KIF26B: variants seen among roughly 807,000 people sequenced by gnomAD.
KIF26B encodes kinesin-like protein KIF26B.
KIF26B carries 63 observed loss-of-function variants against 151.2 expected under a neutral mutation model. That is an observed-to-expected ratio of 0.42 (90% CI 0.34 to 0.51). The LOEUF (loss-of-function observed/expected upper bound fraction) is 0.51. Ranked by LOEUF, KIF26B falls within the 20% of genes least tolerant of loss-of-function variation. The pLI is 0.07. For missense variants in KIF26B, 2,813 were observed against 2,913.6 expected (o/e 0.97, Z 0.79); for synonymous variants, 1,357 against 1,262.1 (o/e 1.08, Z -1.59).
intron 2 of KIF26B, among the ~76,000 whole-genome samples, chr1:245,292,354 T>C (rs55877471): frequency 0.078 from 11,842 of 151,992 alleles, 574 homozygotes; most frequent in Middle Eastern, 0.12. Flanking sequence ...AGCTGCCCGG[T>C]GGTGCAACCC....
intron 4 of KIF26B, among the ~76,000 whole-genome samples, chr1:245,474,276 T>C (rs1334707983): frequency 6.6e-6 from 1 of 150,768 alleles, no homozygotes; most frequent in African/African-American, 2.4e-5. Flanking sequence ...ATCTGGCTAA[T>C]TTTTTGTATT....
intron 9 of KIF26B, among the ~76,000 whole-genome samples, chr1:245,631,009 C>T (rs2043775341): frequency 6.6e-6 from 1 of 152,142 alleles, no homozygotes; most frequent in Non-Finnish European, 1.5e-5. Flanking sequence ...CCAAATTTAT[C>T]AGTTCTCAGA....
At position 245,702,028 on chromosome 1, in the gene KIF26B, T is replaced by C. The variant is rs1018899416; in HGVS notation, c.6179-430T>C. Reference sequence around the variant, plus strand: ...TCTGGGTTATAATCCAGAAACGTCCTTTCATATAAGGAAGCAGAGGTATAA... The same window carrying C: ...TCTGGGTTATAATCCAGAAACGTCCCTTCATATAAGGAAGCAGAGGTATAA... On this transcript the variant is annotated intron_variant, in intron 14 of 14. Transcript: ENST00000407071. The surrounding 1 kb of genome is among the most constrained non-coding windows in gnomAD (Gnocchi z 4.1). Among the ~76,000 whole-genome samples the C allele has an allele frequency of 1.3e-5, 2 of 152,322 alleles. No homozygotes were observed. Among genetic ancestry groups the C allele is most frequent in the Non-Finnish European group, 2.9e-5 (2 of 68,036 alleles).
intron 2 of KIF26B, among the ~76,000 whole-genome samples, chr1:245,363,270 C>T (rs968616037): frequency 2.6e-5 from 4 of 152,226 alleles, no homozygotes; most frequent in Non-Finnish European, 4.4e-5. Flanking sequence ...GATCTCAGCT[C>T]ACTGCAACCT....
intron 4 of KIF26B, among the ~76,000 whole-genome samples, chr1:245,479,327 T>G (rs1182113080): frequency 6.6e-6 from 1 of 151,912 alleles, no homozygotes; most frequent in Non-Finnish European, 1.5e-5. Flanking sequence ...GCAGATAAGC[T>G]TCTCCAGAAA....
In KIF26B at chr1:245,227,065, A is replaced by G. The variant is rs1669891174; in HGVS notation, c.465+70382A>G. Among the ~76,000 whole-genome samples the G allele has an allele frequency of 6.6e-6, 1 of 151,976 alleles. No individual in the cohort carries two copies. The highest frequency in any genetic ancestry group is 1.5e-5 in the Non-Finnish European group (1 of 68,012). ...GAATGGTGCACCATTCACTCAGTCC[A>G]CCCCTAGCACGGGCCAGTCCTATGT... On this transcript the variant is annotated intron_variant, in intron 2 of 14. Coordinates refer to ENST00000407071, the MANE Select transcript of KIF26B (RefSeq NM_018012.4). This position sits in a 1 kb window ranked among gnomAD's most constrained non-coding sequence, Gnocchi z 4.1.
chr1:245,574,395 C>T (rs1022097931), intron 5 of KIF26B, among the ~76,000 whole-genome samples: 1 of 152,148 alleles, frequency 6.6e-6, no homozygotes, highest in Non-Finnish European at 1.5e-5. Flanking sequence ...CTGCCCGCCT[C>T]GACCTCCCAA....
In KIF26B at chr1:245,368,562, G is replaced by C. The variant is rs148079720; in HGVS notation, c.999+1195G>C. On this transcript the variant is annotated intron_variant, in intron 3 of 14. Transcript: ENST00000407071. Reference sequence around the variant, plus strand: ...TGTTTGGTAGGTGGCCTTCTGCTGCGATGTGAGGACTCAGACTAGAGACCT... The same window carrying C: ...TGTTTGGTAGGTGGCCTTCTGCTGCCATGTGAGGACTCAGACTAGAGACCT... 5.1e-3 allele frequency among the ~76,000 whole-genome samples: 778 copies of C among 152,192 alleles called. 10 individuals are homozygous for C. The highest frequency in any genetic ancestry group is 0.018 in the African/African-American group (747 of 41,556).
intron 6 of KIF26B, among the ~76,000 whole-genome samples, chr1:245,603,425 G>A (rs1486570176): frequency 6.6e-6 from 1 of 152,206 alleles, no homozygotes; most frequent in East Asian, 1.9e-4. Flanking sequence ...TCATCGGTCA[G>A]CTGAGCAGCT....
chr1:245,640,081 GTAT>G (rs1037992371), intron 9 of KIF26B, among the ~76,000 whole-genome samples: 2 of 141,654 alleles, frequency 1.4e-5, no homozygotes. Flanking sequence ...TACTGTTATT[GTAT>G]TGTAGTCTAC....
intron 10 of KIF26B, among the ~76,000 whole-genome samples, chr1:245,649,039 C>T (rs770851037): frequency 1.3e-5 from 2 of 152,204 alleles, no homozygotes; most frequent in Non-Finnish European, 2.9e-5. Flanking sequence ...CCTGGCCATC[C>T]AGCCAGCGCT....
intron 4 of KIF26B, among the ~76,000 whole-genome samples, chr1:245,450,581 G>T (rs981961825): frequency 6.6e-6 from 1 of 152,140 alleles, no homozygotes; most frequent in Non-Finnish European, 1.5e-5. Flanking sequence ...ATTCATTGTT[G>T]GTGCCTTTGG....
At chr1:245,354,458 C>T (rs181216174) in intron 2 of KIF26B, among the ~76,000 whole-genome samples, 16 of 152,310 alleles carry the variant, frequency 1.1e-4, no homozygotes, top group African/African-American at 2.4e-4. Flanking sequence ...ACCTCAGGGC[C>T]GCATCAGCCT....
chr1:245,242,237 C>T (rs985212311), intron 2 of KIF26B, among the ~76,000 whole-genome samples: 1 of 152,196 alleles, frequency 6.6e-6, no homozygotes. Context: ...TGCCTTCCCC[C>T]CCCAAAATAG....
chr1:245,237,248 C>T (rs115293978), intron 2 of KIF26B, among the ~76,000 whole-genome samples: 1,719 of 152,306 alleles, frequency 0.011, 28 homozygotes, highest in African/African-American at 0.039. Context: ...TCATACCACG[C>T]AACTCTAAAG....
At chr1:245,255,656 C>T (rs185601607) in intron 2 of KIF26B, among the ~76,000 whole-genome samples, 2 of 152,346 alleles carry the variant, frequency 1.3e-5, no homozygotes, top group East Asian at 3.9e-4. Flanking sequence ...TGCTGCCAGG[C>T]TCTCTTACAA....
chr1:245,469,707 C>T (rs559307412), intron 4 of KIF26B, among the ~76,000 whole-genome samples: 5 of 152,224 alleles, frequency 3.3e-5, no homozygotes, highest in South Asian at 2.1e-4. Flanking sequence ...CTGATAAAAA[C>T]GTATACTTCT....
rs547234223 is a variant in KIF26B at position 245,203,884 on chromosome 1, C to T, written c.465+47201C>T. 1.6e-4 allele frequency among the ~76,000 whole-genome samples: 25 copies of T among 152,270 alleles called. No individual in the cohort carries two copies. In the East Asian group the frequency reaches 1.9e-3, roughly 12 times the overall value. ...TTCCAGTTGCTAGAGCAGAGGGGAGCGGGTGCTGCCACGTGAACTTTGGTG... is the reference window on the plus strand; with the variant it reads ...TTCCAGTTGCTAGAGCAGAGGGGAGTGGGTGCTGCCACGTGAACTTTGGTG... On this transcript the variant is annotated intron_variant, in intron 2 of 14. Coordinates refer to ENST00000407071, the MANE Select transcript of KIF26B (RefSeq NM_018012.4).
At chr1:245,341,231 T>C (rs1672325780) in intron 2 of KIF26B, among the ~76,000 whole-genome samples, 1 of 150,930 alleles carries the variant, frequency 6.6e-6, no homozygotes, top group South Asian at 2.1e-4. Context: ...TAAAGGGAAG[T>C]CTTCTTCAGT....
Sources: gnomAD v4.1 joint callset for allele counts (sites outside exome capture counted in the v4.1 genomes callset) on GRCh38, gnomAD v4.1.1 for gene constraint, Gnocchi (gnomAD v3.1) non-coding constraint, MANE v1.5 for transcripts, NCBI Gene and HGNC (gene_info 2026-07-23, HGNC 2026-07-21) for gene names.